Variants in HIGD1C observed in about 807,000 individuals in gnomAD.
HIGD1C encodes the protein HIG1 hypoxia inducible domain family member 1C.
HIGD1C carries 11 observed loss-of-function variants against 13.1 expected under a neutral mutation model. That is an observed-to-expected ratio of 0.84 (90% confidence interval 0.53 to 1.39). The LOEUF (loss-of-function observed/expected upper bound fraction) is 1.39. HIGD1C is among the 40% of genes most tolerant of loss of function. The probability of loss-of-function intolerance (pLI) is 0.00; values close to 1 mark genes in which losing one functional copy is unlikely to be tolerated. For missense variants in HIGD1C, 110 were observed against 112.0 expected, an observed-to-expected ratio of 0.98 and a Z score of 0.08; for synonymous variants, 36 against 37.7, an observed-to-expected ratio of 0.95 and a Z score of 0.17.
At chr12:50,957,955 T>TGTA (rs1421321468) in intron 1 of HIGD1C, among the ~76,000 whole-genome samples, 1 of 116,340 alleles carries the variant, frequency 8.6e-6, no homozygotes, top group Admixed American at 7.7e-5. Context: ...TGTGTGTGTG[T>TGTA]GTGTGTGTGT....
chr12:50,939,583 T>C, the HIGD1C span, among the ~76,000 whole-genome samples: 3 of 152,196 alleles, frequency 2.0e-5, no homozygotes, highest in Non-Finnish European at 2.9e-5. Context: ...ACCTGCTTTG[T>C]GGTGCAGTGG....
chr12:50,948,216 C>T, the HIGD1C span, among the ~76,000 whole-genome samples: 1 of 152,140 alleles, frequency 6.6e-6, no homozygotes, highest in African/African-American at 2.4e-5. Context: ...CTAATCCTCC[C>T]CCAATCTCTT....
chr12:50,935,011 C>T, the HIGD1C span: 1 of 152,174 alleles, frequency 6.6e-6, no homozygotes, highest in Non-Finnish European at 1.5e-5. Flanking sequence ...CTACATAGTT[C>T]AAACTTGAAT....
At chr12:50,950,639 G>T (rs1938871409), upstream of HIGD1C, among the ~76,000 whole-genome samples, 1 of 149,792 alleles carries the variant, frequency 6.7e-6, no homozygotes, top group Admixed American at 6.6e-5. Context: ...AAGTAGCTGG[G>T]ATTACAGGCA....
the HIGD1C span, chr12:50,939,941 T>C: frequency 6.6e-6 from 1 of 151,606 alleles, no homozygotes; most frequent in Middle Eastern, 3.2e-3. Flanking sequence ...GCCTAGTCAA[T>C]TGAAGCAGTG....
At chr12:50,961,410 C>T (rs1592260460) in intron 2 of HIGD1C, among the ~76,000 whole-genome samples, 1 of 152,118 alleles carries the variant, frequency 6.6e-6, no homozygotes, top group Non-Finnish European at 1.5e-5. Flanking sequence ...GGATAGATCA[C>T]AGCCTATATT....
the HIGD1C span, among the ~76,000 whole-genome samples, chr12:50,938,681 C>A: frequency 1.3e-5 from 2 of 152,236 alleles, no homozygotes; most frequent in Non-Finnish European, 2.9e-5. Context: ...TCTCATTTGT[C>A]CCTTCCACTC....
intron 2 of HIGD1C, among the ~76,000 whole-genome samples, chr12:50,967,096 G>A (rs1939567763): frequency 6.7e-6 from 1 of 149,710 alleles, no homozygotes; most frequent in African/African-American, 2.5e-5. Context: ...CTTGGGTGAT[G>A]GAGCAAGACT....
chr12:50,942,766 A>G, the HIGD1C span, among the ~76,000 whole-genome samples: 1 of 151,328 alleles, frequency 6.6e-6, no homozygotes, highest in Non-Finnish European at 1.5e-5. Flanking sequence ...CAGGAGGCTG[A>G]GGTGGGTGGA....
chr12:50,952,878 T>C (rs1938949125), upstream of HIGD1C, among the ~76,000 whole-genome samples: 1 of 152,156 alleles, frequency 6.6e-6, no homozygotes, highest in African/African-American at 2.4e-5. Context: ...CTGTGCCCTC[T>C]TTCCCCTCAA....
chr12:50,936,357 G>A, the HIGD1C span, among the ~76,000 whole-genome samples: 1 of 152,090 alleles, frequency 6.6e-6, no homozygotes, highest in Non-Finnish European at 1.5e-5. Flanking sequence ...CAATTCTCAA[G>A]TCTCAGCCTC....
chr12:50,963,940 A>C (rs1294619843), intron 2 of HIGD1C, among the ~76,000 whole-genome samples: 2 of 152,206 alleles, frequency 1.3e-5, no homozygotes, highest in Non-Finnish European at 2.9e-5. Context: ...TGTCAAAATC[A>C]GCCACCCCTT....
chr12:50,942,898 T>C, the HIGD1C span, among the ~76,000 whole-genome samples: 2 of 147,354 alleles, frequency 1.4e-5, no homozygotes, highest in African/African-American at 2.5e-5. Flanking sequence ...GCAGTTTCAC[T>C]CTTGTTGCCC....
chr12:50,953,781 C>CTCTT (rs992068828), upstream of HIGD1C: 1 of 498,248 alleles, frequency 2.0e-6, no homozygotes, highest in African/African-American at 1.9e-5. Flanking sequence ...ATCATTTCCT[C>CTCTT]TATGTATTTT....
At chr12:50,940,842 T>C in the HIGD1C span, among the ~76,000 whole-genome samples, 2 of 151,728 alleles carry the variant, frequency 1.3e-5, no homozygotes, top group African/African-American at 4.8e-5. Flanking sequence ...TTGCCCCAAT[T>C]TTTCTTTTCT....
chr12:50,971,608 G>T (rs1379993646), downstream of HIGD1C, among the ~76,000 whole-genome samples: 1 of 152,156 alleles, frequency 6.6e-6, no homozygotes, highest in African/African-American at 2.4e-5. Context: ...CGCTCTAACT[G>T]CCCTCAGGGT....
chr12:50,942,078 C>T, the HIGD1C span, among the ~76,000 whole-genome samples: 13 of 152,010 alleles, frequency 8.6e-5, no homozygotes, highest in Admixed American at 2.6e-4. Context: ...AGATGGGTTT[C>T]GCCACATTGC....
the HIGD1C span, among the ~76,000 whole-genome samples, chr12:50,946,740 C>G: frequency 6.6e-6 from 1 of 152,046 alleles, no homozygotes; most frequent in Non-Finnish European, 1.5e-5. Flanking sequence ...GGTATATACT[C>G]AAAGGATTAT....
chr12:50,950,104 C>G (rs751552367), upstream of HIGD1C, among the ~76,000 whole-genome samples: 4 of 152,140 alleles, frequency 2.6e-5, no homozygotes, highest in Admixed American at 1.3e-4. Context: ...GGACACCTCA[C>G]GGGTGACAGG....
Sources: allele counts gnomAD v4.1 joint callset (sites outside exome capture counted in the v4.1 genomes callset), GRCh38; gene constraint gnomAD v4.1.1; transcripts MANE v1.5; gene names NCBI Gene and HGNC (gene_info 2026-07-23, HGNC 2026-07-21).